Variants in SDK1 observed in about 807,000 individuals in gnomAD.
The protein encoded by SDK1 is protein sidekick-1.
In SDK1, 157 loss-of-function variants were observed where a neutral mutation model predicts 245.5. The observed-to-expected ratio is 0.64, with a 90% CI of 0.56 to 0.73. The LOEUF (loss-of-function observed/expected upper bound fraction) is 0.73, where lower values mean the gene tolerates loss of function less well. Among genes scored for constraint, SDK1 ranks in the 30% least tolerant of loss-of-function variants. The pLI is 0.00. For missense variants in SDK1, 3,583 were observed against 3,002.3 expected (o/e 1.19, Z -4.52); for synonymous variants, 1,647 against 1,278.5 (o/e 1.29, Z -6.15).
intron 35 of SDK1, among the ~76,000 whole-genome samples, chr7:4,202,142 T>C (rs1783923361): frequency 6.6e-6 from 1 of 152,208 alleles, no homozygotes; most frequent in African/African-American, 2.4e-5. Context: ...GCCCCGACCC[T>C]GTCCCCACAC....
In SDK1 at chr7:4,082,609, C is replaced by G. The variant is rs184987704; in HGVS notation, c.3324+3025C>G. Among the ~76,000 whole-genome samples, 52 of 151,396 alleles carry G rather than the reference C, an allele frequency of 3.4e-4. No homozygotes were observed. The East Asian group carries it at 5.8e-3, about 17-fold the overall frequency. ...ATGTCTTTTCTCATGATACCATTGT[C>G]ACACCTGATAAAATTATTATTATTT... On this transcript the variant is annotated intron_variant, in intron 22 of 44. Transcript: ENST00000404826.
intron 2 of SDK1, among the ~76,000 whole-genome samples, chr7:3,630,906 C>A (rs1337762930): frequency 6.6e-6 from 1 of 151,900 alleles, no homozygotes; most frequent in Non-Finnish European, 1.5e-5. Flanking sequence ...TAAAATTCAT[C>A]ACTAAGCTGT....
chr7:3,535,344 AG>A (rs1359525401), intron 1 of SDK1, among the ~76,000 whole-genome samples: 1 of 152,220 alleles, frequency 6.6e-6, no homozygotes, highest in Non-Finnish European at 1.5e-5. Flanking sequence ...TTAATTTAAA[AG>A]TAAAACATAT....
At chr7:4,179,966 C>G (rs1309304251) in intron 35 of SDK1, among the ~76,000 whole-genome samples, 2 of 151,914 alleles carry the variant, frequency 1.3e-5, no homozygotes, top group African/African-American at 4.8e-5. Context: ...GCCTGAGGGT[C>G]TGCCTGCGCC....
intron 7 of SDK1, 79 bp downstream of exon 7, chr7:3,951,999 G>A (rs1780871383): frequency 4.5e-6 from 6 of 1,329,290 alleles, no homozygotes; most frequent in Non-Finnish European, 6.3e-6. Context: ...AAACAAAATA[G>A]CGTATTTCAG....
chr7:3,534,359 C>T (rs559310259), intron 1 of SDK1, among the ~76,000 whole-genome samples: 1 of 152,106 alleles, frequency 6.6e-6, no homozygotes, highest in Non-Finnish European at 1.5e-5. Flanking sequence ...CATGGGAGTA[C>T]AGATGTCTCT....
intron 5 of SDK1, among the ~76,000 whole-genome samples, chr7:3,894,130 C>G (rs1012331297): frequency 3.9e-5 from 6 of 152,250 alleles, no homozygotes; most frequent in African/African-American, 1.2e-4. Flanking sequence ...GCATTTCCAT[C>G]GTTGCAGTTG....
intron 5 of SDK1, among the ~76,000 whole-genome samples, chr7:3,832,791 A>T (rs1043427309): frequency 6.6e-6 from 1 of 151,674 alleles, no homozygotes; most frequent in Non-Finnish European, 1.5e-5. Context: ...TTCTGCCTGC[A>T]CCCCTTTACC....
At chr7:4,234,060 A>C (rs1429364107) in intron 41 of SDK1, among the ~76,000 whole-genome samples, 1 of 152,126 alleles carries the variant, frequency 6.6e-6, no homozygotes, top group African/African-American at 2.4e-5. Context: ...GTGATTTTGG[A>C]GGGGCAAGAA....
At chr7:3,348,001 G>A (rs1780554298) in intron 1 of SDK1, among the ~76,000 whole-genome samples, 1 of 151,958 alleles carries the variant, frequency 6.6e-6, no homozygotes, top group Non-Finnish European at 1.5e-5. Flanking sequence ...ATTCCACAAT[G>A]AGAGAAGGAG....
chr7:3,334,327 G>A (rs895532680), intron 1 of SDK1, among the ~76,000 whole-genome samples: 2 of 152,168 alleles, frequency 1.3e-5, no homozygotes, highest in African/African-American at 4.8e-5. Flanking sequence ...CTCATTCTAC[G>A]CTGGCCTCTT....
chr7:3,850,951 T>A (rs945632564), intron 5 of SDK1, among the ~76,000 whole-genome samples: 4 of 152,158 alleles, frequency 2.6e-5, no homozygotes, highest in Non-Finnish European at 5.9e-5. Flanking sequence ...GGCACATGTA[T>A]ACATATGTAA....
chr7:3,775,431 A>AT (rs1037602869), intron 4 of SDK1, among the ~76,000 whole-genome samples: 397 of 142,404 alleles, frequency 2.8e-3, no homozygotes, highest in African/African-American at 8.1e-3. Flanking sequence ...TTTTTATTTT[A>AT]TTTTTTTTTT....
chr7:3,567,401 T>G (rs756597770), intron 1 of SDK1, among the ~76,000 whole-genome samples: 1 of 150,182 alleles, frequency 6.7e-6, no homozygotes, highest in African/African-American at 2.5e-5. Context: ...GCCGAAGCAC[T>G]GAGTTGATTG....
At chr7:3,761,537 G>C (rs1213273797) in intron 4 of SDK1, among the ~76,000 whole-genome samples, 2 of 146,564 alleles carry the variant, frequency 1.4e-5, no homozygotes, top group Non-Finnish European at 3.0e-5. Context: ...CTGGGCGACA[G>C]AGTGAGACTC....
intron 1 of SDK1, among the ~76,000 whole-genome samples, chr7:3,464,071 T>G (rs1017910296): frequency 1.3e-5 from 2 of 152,218 alleles, no homozygotes; most frequent in African/African-American, 4.8e-5. Context: ...ATTTTTACTG[T>G]GACTTAACCA....
chr7:3,823,114 A>G lies in SDK1; in HGVS notation c.847+1531A>G, dbSNP rs114845951. Among the ~76,000 whole-genome samples the G allele has an allele frequency of 5.0e-3, 755 of 152,306 alleles. 7 individuals are homozygous for G. The highest frequency in any genetic ancestry group is 0.017 in the African/African-American group (711 of 41,558). ...ACGTGGATTAGGGGTGGGGTTCACA[A>G]AACCCAGTGCATGCTGTACTGTGAC... On this transcript the variant is annotated intron_variant, in intron 5 of 44. Coordinates refer to ENST00000404826, the MANE Select transcript of SDK1 (RefSeq NM_152744.4).
chr7:4,240,035 A>G (rs527446768), intron 42 of SDK1, among the ~76,000 whole-genome samples: 9 of 152,214 alleles, frequency 5.9e-5, no homozygotes, highest in African/African-American at 1.7e-4. Flanking sequence ...GAAAGGATTT[A>G]TTTTTTTCTG....
chr7:3,564,966 G>C (rs139772005), intron 1 of SDK1, among the ~76,000 whole-genome samples: 1 of 151,994 alleles, frequency 6.6e-6, no homozygotes, highest in Non-Finnish European at 1.5e-5. Flanking sequence ...GGATTTCCAA[G>C]CAGAAGGAGA....
Sources: gnomAD v4.1 joint callset for allele counts (sites outside exome capture counted in the v4.1 genomes callset) on GRCh38, gnomAD v4.1.1 for gene constraint, MANE v1.5 for transcripts, NCBI Gene and HGNC (gene_info 2026-07-23, HGNC 2026-07-21) for gene names.